The following NWD2 variants were observed in gnomAD, a reference collection of about 807,000 sequenced individuals.
NWD2 encodes NACHT and WD repeat domain-containing protein 2.
In NWD2, 37 loss-of-function variants were observed where a neutral mutation model predicts 132.7. The observed-to-expected ratio is 0.28, with a 90% CI of 0.21 to 0.37. The LOEUF (loss-of-function observed/expected upper bound fraction) is 0.37, where lower values mean the gene tolerates loss of function less well. Among genes scored for constraint, NWD2 ranks in the 10% least tolerant of loss-of-function variants. The pLI, the probability that NWD2 is intolerant of heterozygous loss-of-function variation, is 1.00. For synonymous variants in NWD2, 705 were observed against 803.0 expected, an observed-to-expected ratio of 0.88 and a Z score of 2.06; for missense variants, 1,592 against 2,122.4, an observed-to-expected ratio of 0.75 and a Z score of 4.91.
chr4:37,301,853 G>A (rs908020561), intron 1 of NWD2, among the ~76,000 whole-genome samples: 26 of 152,020 alleles, frequency 1.7e-4, no homozygotes, highest in East Asian at 7.7e-4. Flanking sequence ...ATGTGTGTGC[G>A]TATAGTTTAA....
At chr4:37,251,452 G>A (rs988846767) in intron 1 of NWD2, among the ~76,000 whole-genome samples, 1 of 152,188 alleles carries the variant, frequency 6.6e-6, no homozygotes, top group Non-Finnish European at 1.5e-5. Flanking sequence ...CATTATAGAG[G>A]TTGGAGGAGC....
chr4:37,350,768 C>G (rs1335600618), intron 2 of NWD2, among the ~76,000 whole-genome samples: 1 of 152,120 alleles, frequency 6.6e-6, no homozygotes, highest in African/African-American at 2.4e-5. Flanking sequence ...TGCCAGTTTT[C>G]AAAGAGAATG....
chr4:37,384,882 A>C (rs1057407815), intron 3 of NWD2, among the ~76,000 whole-genome samples: 2 of 152,176 alleles, frequency 1.3e-5, no homozygotes, highest in East Asian at 3.8e-4. Flanking sequence ...CAGGGTTGGA[A>C]TCCTAAAGGG....
chr4:37,372,383 T>C (rs1353941729), intron 3 of NWD2, among the ~76,000 whole-genome samples: 1 of 152,220 alleles, frequency 6.6e-6, no homozygotes, highest in Admixed American at 6.5e-5. Flanking sequence ...ATAAAAGATT[T>C]CTGATTCTTG....
intron 1 of NWD2, among the ~76,000 whole-genome samples, chr4:37,322,867 A>T (rs1415244163): frequency 6.6e-6 from 1 of 152,202 alleles, no homozygotes; most frequent in Non-Finnish European, 1.5e-5. Context: ...ATCACAGATA[A>T]TTCAATTTTT....
Position 37,446,479 on chromosome 4 carries a change from C to A in NWD2, c.4491C>A (p.Ile1497=). The change falls in exon 7 of 7, where the codon ATC becomes ATA. Residue 1497 remains isoleucine (I), a synonymous_variant. Coordinates refer to ENST00000309447, the MANE Select transcript of NWD2 (RefSeq NM_001144990.2). This position sits in a 1 kb window ranked among gnomAD's most constrained non-coding sequence, Gnocchi z 6.7. ...ACTGTCCTGATATCATCGTGTTTAT[C>A]ACATCGGCCGAGACTGTGAACATCT... ...IPDCPDIIVF[I]TSAETVNIWS... 1 of 1,551,668 alleles carries A rather than the reference C, an allele frequency of 6.4e-7. No individual in the cohort carries two copies.
intron 1 of NWD2, among the ~76,000 whole-genome samples, chr4:37,309,435 A>C (rs1397404931): frequency 1.3e-5 from 2 of 152,192 alleles, no homozygotes; most frequent in East Asian, 3.9e-4. Context: ...ACGGGGTCCA[A>C]CTGGAATCAC....
At chr4:37,315,600 C>A (rs1297886102) in intron 1 of NWD2, among the ~76,000 whole-genome samples, 3 of 151,866 alleles carry the variant, frequency 2.0e-5, no homozygotes, top group Admixed American at 2.0e-4. Context: ...TAAAGTGTGT[C>A]TTTTATATTT....
intron 2 of NWD2, among the ~76,000 whole-genome samples, chr4:37,330,856 T>A (rs1270103350): frequency 7.3e-6 from 1 of 137,178 alleles, no homozygotes; most frequent in Non-Finnish European, 1.6e-5. Context: ...ATCATCACCC[T>A]ACTTGAGTAT....
rs1286106325 is a variant in NWD2, at chr4:37,445,095, A to G, written c.3107A>G (p.Tyr1036Cys). 1 of 1,551,888 alleles carries G rather than the reference A, an allele frequency of 6.4e-7. No homozygotes were observed. The highest frequency in any genetic ancestry group is 2.0e-5 in the Admixed American group (1 of 51,008). ...VATTNNTLLI[Y>C]DNVNSCLLSE... ...ACAACAAATAACACCTTGTTGATTT[A>G]TGACAATGTCAATTCTTGCCTCCTG... is the stretch of plus-strand genomic sequence containing the variant. Residue 1036 changes from tyrosine (Y) to cysteine (C), a missense_variant, in exon 7 of 7, where the codon TAT (tyrosine) becomes TGT (cysteine). By Grantham distance (194) the Tyr-to-Cys change is radical (BLOSUM62 -2). Around this residue, in one of 7 missense-constraint regions of NWD2, gnomAD observed 1,071 missense variants for 1,398.0 expected, o/e 0.77. Transcript: ENST00000309447. This position sits in a 1 kb window ranked among gnomAD's most constrained non-coding sequence, Gnocchi z 4.7.
intron 3 of NWD2, among the ~76,000 whole-genome samples, chr4:37,374,941 A>C (rs1720314719): frequency 6.6e-6 from 1 of 152,224 alleles, no homozygotes; most frequent in Non-Finnish European, 1.5e-5. Context: ...GTTAATTACC[A>C]AAGTAGCTTC....
In NWD2 at chr4:37,440,489, T is replaced by C. The variant is rs115507370; in HGVS notation, c.1296+1099T>C. Among the ~76,000 whole-genome samples, 892 of 152,236 alleles carry C rather than the reference T, an allele frequency of 5.9e-3. 6 individuals are homozygous for C. The highest frequency in any genetic ancestry group is 9.2e-3 in the Non-Finnish European group (628 of 68,010). ...TTTCCAGATGTCACTAGGTACCAGA[T>C]GCCTGTATCCCCAAGCTGTAGGGGG... is the stretch of plus-strand genomic sequence containing the variant. On this transcript the variant is annotated intron_variant, in intron 6 of 6. Transcript: ENST00000309447.
chr4:37,279,969 G>T (rs1324247291), intron 1 of NWD2, among the ~76,000 whole-genome samples: 2 of 152,178 alleles, frequency 1.3e-5, no homozygotes, highest in African/African-American at 4.8e-5. Context: ...TGGCATAAAA[G>T]AGAACAAGTG....
rs988729297 is a variant in NWD2, at chr4:37,358,989, G to C, written c.357+2507G>C. On this transcript the variant is annotated intron_variant, in intron 3 of 6. Transcript: ENST00000309447. Reference sequence around the variant, plus strand: ...GGGAAGCATAACCCACTATGGGAGTGTCCTGGGAAACCTCAATTACTGTGA... The same window carrying C: ...GGGAAGCATAACCCACTATGGGAGTCTCCTGGGAAACCTCAATTACTGTGA... Among the ~76,000 whole-genome samples, 6 of 152,248 alleles carry C rather than the reference G, an allele frequency of 3.9e-5. No individual in the cohort carries two copies. In the South Asian group the frequency reaches 1.2e-3, roughly 32 times the overall value.
At chr4:37,386,541 C>A (rs908665916) in intron 3 of NWD2, among the ~76,000 whole-genome samples, 1 of 152,170 alleles carries the variant, frequency 6.6e-6, no homozygotes, top group Non-Finnish European at 1.5e-5. Flanking sequence ...CCTGAACATG[C>A]AGTCCCAGCT....
intron 3 of NWD2, among the ~76,000 whole-genome samples, chr4:37,417,131 A>G (rs1711643579): frequency 6.6e-6 from 1 of 152,194 alleles, no homozygotes; most frequent in Non-Finnish European, 1.5e-5. Context: ...AAAATTTAGA[A>G]TATATTTCTC....
rs956243451 is a variant in NWD2 at position 37,444,692 on chromosome 4, A to G, written c.2704A>G (p.Lys902Glu). Residue 902 changes from lysine (K) to glutamate (E), a missense_variant, in exon 7 of 7, where the codon AAG becomes GAG. By Grantham distance (56) the Lys-to-Glu change is moderately conservative (BLOSUM62 1). Coordinates refer to ENST00000309447, the MANE Select transcript of NWD2 (RefSeq NM_001144990.2). This position sits in a 1 kb window ranked among gnomAD's most constrained non-coding sequence, Gnocchi z 4.8. ...CAACACCCTCCGCAGCATCAAAAAC[A>G]AGGTCACTGCATTTCCCGGCTCCCT... is the stretch of plus-strand genomic sequence containing the variant. ...LANTLRSIKNKVTAFPGSLSA... is the reference protein window; with the variant it reads ...LANTLRSIKNEVTAFPGSLSA... 4.2e-5 allele frequency: 65 copies of G among 1,552,076 alleles called. No individual in the cohort carries two copies. The highest frequency in any genetic ancestry group is 5.6e-5 in the Non-Finnish European group (64 of 1,147,110).
chr4:37,320,065 C>T (rs982944948), intron 1 of NWD2, among the ~76,000 whole-genome samples: 38 of 152,148 alleles, frequency 2.5e-4, no homozygotes, highest in Admixed American at 3.9e-4. Flanking sequence ...TTGCTTTAGG[C>T]AGCATGGTCA....
At chr4:37,424,853 C>A (rs1352016413) in intron 3 of NWD2, among the ~76,000 whole-genome samples, 1 of 152,212 alleles carries the variant, frequency 6.6e-6, no homozygotes, top group Admixed American at 6.5e-5. Flanking sequence ...TTCCTCTGTT[C>A]TGTTTGGTAC....
Sources: gnomAD v4.1 joint callset for allele counts (sites outside exome capture counted in the v4.1 genomes callset) on GRCh38, gnomAD v4.1.1 for gene constraint, gnomAD v4.1.1 regional missense constraint, Gnocchi (gnomAD v3.1) non-coding constraint, MANE v1.5 for transcripts, NCBI Gene and HGNC (gene_info 2026-07-23, HGNC 2026-07-21) for gene names.